Variants in DHX37 observed in about 807,000 individuals in gnomAD.
DHX37 encodes DEAH-box helicase 37.
In DHX37, 52 loss-of-function variants were observed where a neutral mutation model predicts 134.3. That is an observed-to-expected ratio of 0.39 (90% CI 0.31 to 0.49). The LOEUF is 0.49. Ranked by LOEUF, DHX37 falls within the 20% of genes least tolerant of loss-of-function variation. DHX37 has a pLI of 0.93. For synonymous variants in DHX37, 634 were observed against 670.7 expected, an observed-to-expected ratio of 0.95 and a Z score of 0.85; for missense variants, 1,344 against 1,580.8, an observed-to-expected ratio of 0.85 and a Z score of 2.54.
rs1186645720 is a variant in DHX37, at chr12:124,949,949, C to T, written c.3290+37G>A. The T allele has an allele frequency of 1.3e-6, 2 of 1,580,212 alleles. No individual in the cohort carries two copies. Among genetic ancestry groups the T allele is most frequent in the South Asian group, 1.1e-5 (1 of 87,730 alleles). ...GGGAGGTCATTCAGGCCTCGGACCC[C>T]TCCTGCCCACTGCGAGGCTCCCACC... On this transcript the variant is annotated intron_variant, in intron 25 of 26. Coordinates refer to ENST00000308736, the MANE Select transcript of DHX37 (RefSeq NM_032656.4). The surrounding 1 kb of genome is among the most constrained non-coding windows in gnomAD (Gnocchi z 4.0).
At chr12:124,971,576 A>T (rs1208868277) in intron 7 of DHX37, among the ~76,000 whole-genome samples, 161 bp from the exon 8 acceptor site, 1 of 152,184 alleles carries the variant, frequency 6.6e-6, no homozygotes, top group Non-Finnish European at 1.5e-5. Context: ...GTGGGAGGGC[A>T]GGTGGGAAAT....
chr12:124,959,813 A>G (rs1034907528), intron 16 of DHX37, among the ~76,000 whole-genome samples: 4 of 152,208 alleles, frequency 2.6e-5, no homozygotes, highest in Admixed American at 2.0e-4. Context: ...CACTTACTAG[A>G]TGTGTGTCCC....
intron 2 of DHX37, among the ~76,000 whole-genome samples, chr12:124,984,957 A>G (rs572194304): frequency 6.6e-6 from 1 of 152,260 alleles, no homozygotes; most frequent in South Asian, 2.1e-4. Context: ...TCCAATGAGA[A>G]GCGCCCTTCG....
rs188383724 is a variant in DHX37, at chr12:124,969,133, G to A, written c.1192-165C>T. Among the ~76,000 whole-genome samples the A allele has an allele frequency of 2.8e-3, 424 of 152,280 alleles. 3 individuals are homozygous for A. Among genetic ancestry groups the A allele is most frequent in the African/African-American group, 9.6e-3 (399 of 41,544 alleles). Reference sequence around the variant, plus strand: ...CTTGGAGAAAGTGAGTCAATAGTGGGACCTGCCGCTCCCAGGGCGGTGGCT... The same window carrying A: ...CTTGGAGAAAGTGAGTCAATAGTGGAACCTGCCGCTCCCAGGGCGGTGGCT... On this transcript the variant is annotated intron_variant, in intron 8 of 26. Coordinates refer to ENST00000308736, the MANE Select transcript of DHX37 (RefSeq NM_032656.4).
At chr12:124,959,812 G>C (rs1188133643) in intron 16 of DHX37, among the ~76,000 whole-genome samples, 4 of 152,232 alleles carry the variant, frequency 2.6e-5, no homozygotes, top group African/African-American at 4.8e-5. Context: ...TCACTTACTA[G>C]ATGTGTGTCC....
chr12:124,964,828 T>C, intron 14 of DHX37, 102 bp downstream of exon 14: 1 of 1,447,360 alleles, frequency 6.9e-7, no homozygotes, highest in Non-Finnish European at 9.3e-7. Context: ...CTGGGGATGC[T>C]GATCAAACAG....
Position 124,988,935 on chromosome 12 carries a change from CG to C in DHX37, c.87del (p.Val30CysfsTer11). On this transcript the variant is annotated frameshift_variant, in exon 1 of 27. Transcript: ENST00000308736. LOFTEE classifies it high-confidence loss of function. ...GPSKGPPEPP[P>X]VQLELEDKDT... ...GTCTTACCCTCCAGTTCCAGCTGCA[CG>C]GGGGGCGGCTCGGGGGGGCCCTTCG... is the stretch of plus-strand genomic sequence containing the variant. 2 of 1,335,208 alleles carry C rather than the reference CG, an allele frequency of 1.5e-6. No homozygotes were observed. The highest frequency in any genetic ancestry group is 2.5e-5 in the South Asian group (1 of 40,412). 82.7% of individuals were successfully genotyped at this position (1,335,208 alleles called of 1,614,324 possible).
At chr12:124,967,629 A>G (rs78381667) in intron 10 of DHX37, among the ~76,000 whole-genome samples, 25,463 of 152,224 alleles carry the variant, frequency 0.17, 3,341 homozygotes, top group African/African-American at 0.37. Flanking sequence ...CCGAAAGGCC[A>G]TAAGCAGAGC....
At chr12:124,967,032 A>G in intron 11 of DHX37, 91 bp downstream of exon 11, 1 of 1,543,934 alleles carries the variant, frequency 6.5e-7, no homozygotes, top group Non-Finnish European at 8.9e-7. Flanking sequence ...TCCAGAGAGA[A>G]GCTCAGAGGC....
chr12:124,965,470 G>A (rs1202416206), intron 13 of DHX37, among the ~76,000 whole-genome samples, 198 bp downstream of exon 13: 1 of 152,232 alleles, frequency 6.6e-6, no homozygotes, highest in Non-Finnish European at 1.5e-5. Flanking sequence ...GCGTCCCTCA[G>A]CAAGGGGTTG....
intron 4 of DHX37, among the ~76,000 whole-genome samples, chr12:124,978,094 G>A (rs1954680923): frequency 6.6e-6 from 1 of 151,964 alleles, no homozygotes; most frequent in South Asian, 2.1e-4. Flanking sequence ...CTGAGTAGCT[G>A]GGATTACAGG....
intron 8 of DHX37, among the ~76,000 whole-genome samples, chr12:124,969,317 G>A (rs1159333318): frequency 6.6e-6 from 1 of 152,176 alleles, no homozygotes; most frequent in Non-Finnish European, 1.5e-5. Context: ...TCTGGGGTCT[G>A]TGGGGGGTGG....
chr12:124,947,745 C>T lies in DHX37; in HGVS notation c.*57G>A. ...GTGGTCACGGTCGCACGGTGACAGG[C>T]TGCTGCCAGCCCTCCAGTCCCCAAA... is the stretch of plus-strand genomic sequence containing the variant. On this transcript the variant is annotated 3_prime_UTR_variant, in exon 27 of 27. Transcript: ENST00000308736. The T allele has an allele frequency of 6.6e-7, 1 of 1,505,052 alleles. No homozygotes were observed. Among genetic ancestry groups the T allele is most frequent in the Non-Finnish European group, 8.9e-7 (1 of 1,127,548 alleles). 93.2% of individuals were successfully genotyped at this position (1,505,052 alleles called of 1,614,324 possible). A position where few individuals can be genotyped will look rare whatever the true frequency, so the allele number is the denominator to read the frequency against.
intron 8 of DHX37, among the ~76,000 whole-genome samples, chr12:124,969,689 T>A (rs1362938160): frequency 2.0e-5 from 3 of 152,058 alleles, no homozygotes; most frequent in African/African-American, 7.2e-5. Flanking sequence ...CGACAAGTGC[T>A]GGCAGGATGT....
At chr12:124,955,067 G>C (rs753330201) in intron 18 of DHX37, among the ~76,000 whole-genome samples, 70 of 152,210 alleles carry the variant, frequency 4.6e-4, no homozygotes, top group Non-Finnish European at 9.0e-4. Flanking sequence ...TAGAGATGCT[G>C]GGACCAGGAG....
intron 15 of DHX37, among the ~76,000 whole-genome samples, chr12:124,961,590 A>G (rs780691066): frequency 6.6e-6 from 1 of 152,148 alleles, no homozygotes; most frequent in African/African-American, 2.4e-5. Flanking sequence ...CACCATGCCC[A>G]GCTAATTTTT....
intron 23 of DHX37, 57 bp from the exon 24 acceptor site, chr12:124,950,300 C>T (rs1156934727): frequency 6.2e-7 from 1 of 1,608,510 alleles, no homozygotes. Context: ...TCCCGAGTCC[C>T]ATCCCTGCCC....
In DHX37 at chr12:124,950,071, C is replaced by A. The variant is rs776205527; in HGVS notation, c.3217-12G>T. ...AGCTTGCGGAAGACCTGATGAGAGA[C>A]CACAGGAAGGGGTGAGGCCCGGGCT... is the stretch of plus-strand genomic sequence containing the variant. On this transcript the variant is annotated splice_polypyrimidine_tract_variant and intron_variant, in intron 24 of 26. Transcript: ENST00000308736. The A allele has an allele frequency of 9.3e-6, 15 of 1,613,656 alleles. No individual in the cohort carries two copies. The highest frequency in any genetic ancestry group is 3.3e-5 in the South Asian group (3 of 91,066).
At chr12:124,962,378 G>A (rs985947908) in intron 15 of DHX37, among the ~76,000 whole-genome samples, 13 of 151,806 alleles carry the variant, frequency 8.6e-5, no homozygotes, top group South Asian at 2.1e-4. Flanking sequence ...AGAATTGGCC[G>A]GGCGCCGTGG....
Sources: allele counts gnomAD v4.1 joint callset (sites outside exome capture counted in the v4.1 genomes callset), GRCh38; gene constraint gnomAD v4.1.1; non-coding constraint Gnocchi (gnomAD v3.1); transcripts MANE v1.5; gene names NCBI Gene and HGNC (gene_info 2026-07-23, HGNC 2026-07-21).